Variants in CACNA2D3 observed in about 807,000 individuals in gnomAD.
The protein encoded by CACNA2D3 is voltage-dependent calcium channel subunit alpha-2/delta-3.
In CACNA2D3, 60 loss-of-function variants were observed where a neutral mutation model predicts 160.6. That is an observed-to-expected ratio of 0.37 (90% CI 0.30 to 0.46). The LOEUF (loss-of-function observed/expected upper bound fraction) is 0.46. Among genes scored for constraint, CACNA2D3 ranks in the 20% least tolerant of loss-of-function variants. CACNA2D3 has a pLI of 1.00. For missense variants in CACNA2D3, 1,205 were observed against 1,365.0 expected (o/e 0.88, Z 1.85); for synonymous variants, 558 against 492.9 (o/e 1.13, Z -1.75).
chr3:54,875,493 A>G (rs767953256), intron 18 of CACNA2D3: 7 of 152,236 alleles, frequency 4.6e-5, no homozygotes, highest in African/African-American at 7.2e-5. Flanking sequence ...AATGTGGACA[A>G]TGAGCCACCA....
intron 9 of CACNA2D3, among the ~76,000 whole-genome samples, chr3:54,615,186 T>C (rs1205370747): frequency 6.6e-6 from 1 of 152,226 alleles, no homozygotes; most frequent in Non-Finnish European, 1.5e-5. Context: ...ATGTTGCAGC[T>C]TCTGATGAAT....
intron 10 of CACNA2D3, among the ~76,000 whole-genome samples, chr3:54,641,830 C>A (rs1185856283): frequency 6.6e-6 from 1 of 152,234 alleles, no homozygotes; most frequent in Non-Finnish European, 1.5e-5. Context: ...CCTTCCCCCA[C>A]TTCCTGGCAT....
chr3:54,577,732 C>T (rs1702609499), intron 8 of CACNA2D3, among the ~76,000 whole-genome samples: 1 of 152,192 alleles, frequency 6.6e-6, no homozygotes, highest in Admixed American at 6.5e-5. Context: ...TCACAGTGAG[C>T]TCATGAAAGA....
At chr3:54,350,250 G>A (rs1019508965) in intron 3 of CACNA2D3, among the ~76,000 whole-genome samples, 2 of 152,076 alleles carry the variant, frequency 1.3e-5, no homozygotes, top group Non-Finnish European at 1.5e-5. Context: ...AACTCCAAAT[G>A]GGTTTCTAGT....
rs575086791 is a variant in CACNA2D3 at position 54,239,229 on chromosome 3, T to A, written c.205-81213T>A. Among the ~76,000 whole-genome samples the A allele has an allele frequency of 2.6e-5, 4 of 152,296 alleles. No homozygotes were observed. The East Asian group carries it at 7.7e-4, about 29-fold the overall frequency. ...AAGGCTCTTGAAGAACAGGAAAAAT[T>A]AGGCATTGAATTTTTGAGTTGCTTT... On this transcript the variant is annotated intron_variant, in intron 2 of 37. Coordinates refer to ENST00000474759, the MANE Select transcript of CACNA2D3 (RefSeq NM_018398.3).
chr3:54,550,858 G>T (rs1702144705), intron 5 of CACNA2D3, among the ~76,000 whole-genome samples: 1 of 152,110 alleles, frequency 6.6e-6, no homozygotes, highest in Non-Finnish European at 1.5e-5. Context: ...TGCCTTCAGT[G>T]CAAAACCTCG....
chr3:54,862,563 G>A (rs1370098359), intron 17 of CACNA2D3, among the ~76,000 whole-genome samples: 1 of 152,076 alleles, frequency 6.6e-6, no homozygotes, highest in African/African-American at 2.4e-5. Context: ...CAAATTCATT[G>A]CCAGCTTCCT....
At chr3:54,770,042 G>A (rs774089408) in intron 13 of CACNA2D3, among the ~76,000 whole-genome samples, 3 of 152,078 alleles carry the variant, frequency 2.0e-5, no homozygotes, top group Non-Finnish European at 4.4e-5. Context: ...AGGGAAATAC[G>A]GTAGCAGCCC....
At chr3:54,843,150 CAG>C (rs1463971809) in intron 16 of CACNA2D3, among the ~76,000 whole-genome samples, 1 of 151,828 alleles carries the variant, frequency 6.6e-6, no homozygotes, top group Non-Finnish European at 1.5e-5. Context: ...TTAGTAGAGA[CAG>C]GGTTTCACCA....
intron 2 of CACNA2D3, among the ~76,000 whole-genome samples, chr3:54,167,305 G>A (rs538350502): frequency 6.6e-6 from 1 of 152,264 alleles, no homozygotes; most frequent in South Asian, 2.1e-4. Flanking sequence ...AAATATGTAT[G>A]ATTTTGCTAG....
intron 2 of CACNA2D3, among the ~76,000 whole-genome samples, chr3:54,190,625 G>C (rs1017064399): frequency 1.3e-5 from 2 of 152,204 alleles, no homozygotes; most frequent in African/African-American, 4.8e-5. Context: ...TACTCCTGCT[G>C]TTGTGCCTTC....
chr3:54,984,304 A>AG (rs1169908615), intron 29 of CACNA2D3, among the ~76,000 whole-genome samples: 1 of 151,574 alleles, frequency 6.6e-6, no homozygotes, highest in African/African-American at 2.4e-5. Context: ...GGTCATATAA[A>AG]GAAAAAAAAA....
chr3:54,991,549 G>A (rs1702744225), intron 31 of CACNA2D3, among the ~76,000 whole-genome samples: 1 of 151,376 alleles, frequency 6.6e-6, no homozygotes, highest in Admixed American at 6.6e-5. Flanking sequence ...AGAAAATCTA[G>A]TCTCAAAATC....
chr3:54,262,873 A>G (rs1167723334), intron 2 of CACNA2D3, among the ~76,000 whole-genome samples: 3 of 152,196 alleles, frequency 2.0e-5, no homozygotes, highest in Non-Finnish European at 4.4e-5. Context: ...TATGTTTGGT[A>G]TACCTTTTAC....
intron 34 of CACNA2D3, among the ~76,000 whole-genome samples, chr3:55,014,675 T>C (rs778537641): frequency 6.6e-6 from 1 of 152,084 alleles, no homozygotes; most frequent in Non-Finnish European, 1.5e-5. Context: ...GAGGTTGCAG[T>C]GAGCCGAGAT....
chr3:55,012,870 C>T (rs1404788971), intron 34 of CACNA2D3, among the ~76,000 whole-genome samples: 4 of 152,110 alleles, frequency 2.6e-5, no homozygotes, highest in East Asian at 1.9e-4. Context: ...GCACCCATGA[C>T]GTTGAGAGAT....
At chr3:54,528,817 C>A (rs1575505169) in intron 5 of CACNA2D3, among the ~76,000 whole-genome samples, 1 of 152,094 alleles carries the variant, frequency 6.6e-6, no homozygotes, top group African/African-American at 2.4e-5. Flanking sequence ...TAGCTCAGAG[C>A]CCTAATAAAG....
At chr3:54,663,444 C>T (rs1340695633) in intron 11 of CACNA2D3, among the ~76,000 whole-genome samples, 1 of 152,188 alleles carries the variant, frequency 6.6e-6, no homozygotes, top group Non-Finnish European at 1.5e-5. Flanking sequence ...ACTTGGCCTT[C>T]CAGGCACCAA....
intron 11 of CACNA2D3, among the ~76,000 whole-genome samples, chr3:54,746,561 A>G (rs1404999457): frequency 6.6e-6 from 1 of 152,210 alleles, no homozygotes; most frequent in East Asian, 1.9e-4. Flanking sequence ...GCTAAATTAA[A>G]ATTTAGAACC....
Sources: allele counts gnomAD v4.1 joint callset (sites outside exome capture counted in the v4.1 genomes callset), GRCh38; gene constraint gnomAD v4.1.1; transcripts MANE v1.5; gene names NCBI Gene and HGNC (gene_info 2026-07-23, HGNC 2026-07-21).